The following UBR3 variants were observed in gnomAD, a reference collection of about 807,000 sequenced individuals.
UBR3 encodes E3 ubiquitin-protein ligase UBR3.
UBR3 carries 85 observed loss-of-function variants against 243.2 expected under a neutral mutation model. The ratio of observed to expected loss-of-function variants is 0.35; its 90% CI spans 0.29 to 0.42. The LOEUF (loss-of-function observed/expected upper bound fraction) is 0.42. Among genes scored for constraint, UBR3 ranks in the 10% least tolerant of loss-of-function variants. The probability of loss-of-function intolerance (pLI) is 1.00; values close to 1 mark genes in which losing one functional copy is unlikely to be tolerated. For synonymous variants in UBR3, 748 were observed against 799.8 expected, an observed-to-expected ratio of 0.94 and a Z score of 1.09; for missense variants, 1,686 against 2,300.8, an observed-to-expected ratio of 0.73 and a Z score of 5.47.
chr2:169,929,432 C>T (rs561460076), intron 18 of UBR3, among the ~76,000 whole-genome samples: 2 of 152,042 alleles, frequency 1.3e-5, no homozygotes, highest in African/African-American at 4.8e-5. Context: ...AAAAATTAGT[C>T]AGGCATGGTG....
intron 5 of UBR3, among the ~76,000 whole-genome samples, chr2:169,890,913 G>A (rs1196932844): frequency 1.3e-5 from 2 of 150,072 alleles, no homozygotes; most frequent in Admixed American, 6.7e-5. Context: ...GCATTTTGGG[G>A]TACTTAAGAG....
intron 22 of UBR3, 84 bp from the exon 23 acceptor site, chr2:169,949,521 T>C (rs1003471912): frequency 1.6e-6 from 2 of 1,235,770 alleles, no homozygotes; most frequent in African/African-American, 3.1e-5. Flanking sequence ...GCATTCCCTT[T>C]AGAAAATATA....
At position 169,949,949 on chromosome 2, in the gene UBR3, A is replaced by C. The variant is rs367668214; in HGVS notation, c.3429A>C (p.Ala1143=). 2 of 1,613,868 alleles carry C rather than the reference A, an allele frequency of 1.2e-6. No homozygotes were observed. The highest frequency in any genetic ancestry group is 4.5e-5 in the East Asian group (2 of 44,864). ...TAVERILLKA[A]SQSRMNKRII... ...TGGAAAGAATTTTACTAAAAGCTGC[A>C]TCGCAAAGTAGAATGAACAAACGCA... is the stretch of plus-strand genomic sequence containing the variant. Residue 1143 remains alanine (A), a synonymous_variant, in exon 23 of 39, where the codon GCA becomes GCC. Transcript: ENST00000272793.
intron 35 of UBR3, among the ~76,000 whole-genome samples, chr2:170,072,484 A>G (rs904605862): frequency 6.6e-6 from 1 of 152,104 alleles, no homozygotes; most frequent in African/African-American, 2.4e-5. Context: ...ATGACGAGTT[A>G]ATGGGTACAG....
intron 35 of UBR3, among the ~76,000 whole-genome samples, chr2:170,069,395 C>T (rs1253423168): frequency 6.6e-6 from 1 of 151,832 alleles, no homozygotes; most frequent in Non-Finnish European, 1.5e-5. Context: ...TATATGATGA[C>T]CACAATCAGG....
intron 27 of UBR3, 60 bp downstream of exon 27, chr2:170,001,474 T>G (rs2089692799): frequency 6.0e-6 from 6 of 1,001,028 alleles, no homozygotes; most frequent in Non-Finnish European, 9.4e-6. Flanking sequence ...TTAAATCTTT[T>G]TATAGTATAT....
At chr2:169,856,238 C>G (rs538725807) in intron 1 of UBR3, among the ~76,000 whole-genome samples, 1 of 146,770 alleles carries the variant, frequency 6.8e-6, no homozygotes, top group Admixed American at 6.8e-5. Flanking sequence ...CCAGATGGGG[C>G]GGCGGGGCAG....
intron 30 of UBR3, among the ~76,000 whole-genome samples, chr2:170,028,600 A>G (rs970319832): frequency 6.7e-6 from 1 of 150,156 alleles, no homozygotes; most frequent in African/African-American, 2.5e-5. Context: ...TAATAATTAA[A>G]TTATTATTCT....
At chr2:170,054,192 A>G (rs2091282968) in intron 32 of UBR3, among the ~76,000 whole-genome samples, 1 of 151,626 alleles carries the variant, frequency 6.6e-6, no homozygotes, top group Non-Finnish European at 1.5e-5. Context: ...AAGTGGAGTG[A>G]TCTTGGATTA....
At chr2:169,895,771 T>C (rs1378578886) in intron 7 of UBR3, among the ~76,000 whole-genome samples, 1 of 152,186 alleles carries the variant, frequency 6.6e-6, no homozygotes, top group Non-Finnish European at 1.5e-5. Flanking sequence ...TTGACTCATA[T>C]ACAAATGTTG....
chr2:169,983,094 AG>A, intron 24 of UBR3, among the ~76,000 whole-genome samples: 1 of 152,004 alleles, frequency 6.6e-6, no homozygotes, highest in South Asian at 2.1e-4. Flanking sequence ...AGTGAGAGCG[AG>A]AGAGAGAAAC....
In UBR3 at chr2:169,947,725, A is replaced by C. The variant is rs1001226860; in HGVS notation, c.3084+10A>C. On this transcript the variant is annotated intron_variant, in intron 22 of 38. Coordinates refer to ENST00000272793, the MANE Select transcript of UBR3 (RefSeq NM_172070.4). The stretch of plus-strand genomic sequence containing the variant: ...CTTGGGTTCTTTACAAGTAAGTGTA[A>C]ATGTAAGAAAGAAAATAAGAAAAAG... 2.1e-6 allele frequency: 3 copies of C among 1,450,660 alleles called. No homozygotes were observed. The African/African-American group carries it at 4.4e-5, about 21-fold the overall frequency. 89.9% of individuals were successfully genotyped at this position (1,450,660 alleles called of 1,614,324 possible). A position where few individuals can be genotyped will look rare whatever the true frequency, so the allele number is the denominator to read the frequency against.
chr2:169,998,843 TCAGA>T (rs1350794758), intron 26 of UBR3, among the ~76,000 whole-genome samples: 1 of 151,948 alleles, frequency 6.6e-6, no homozygotes, highest in Admixed American at 6.6e-5. Flanking sequence ...AGCTGTGGAG[TCAGA>T]CAGACTTGGG....
At chr2:169,843,035 A>G (rs1416746728) in intron 1 of UBR3, among the ~76,000 whole-genome samples, 3 of 152,154 alleles carry the variant, frequency 2.0e-5, no homozygotes, top group East Asian at 1.9e-4. Context: ...ACTATCCTTA[A>G]TGCTTCTTTT....
At chr2:169,986,371 A>G (rs77962643) in intron 24 of UBR3, among the ~76,000 whole-genome samples, 3,293 of 152,278 alleles carry the variant, frequency 0.022, 51 homozygotes, top group Non-Finnish European at 0.031. Flanking sequence ...CTTTGCCTCT[A>G]TGTTTTCTGT....
intron 24 of UBR3, among the ~76,000 whole-genome samples, chr2:169,969,560 T>TG (rs1463406083): frequency 6.6e-6 from 1 of 151,390 alleles, no homozygotes. Flanking sequence ...TTTTTTTTTT[T>TG]TTTTGTTAGA....
chr2:170,013,125 C>T (rs530986795), intron 29 of UBR3, among the ~76,000 whole-genome samples: 1 of 152,090 alleles, frequency 6.6e-6, no homozygotes, highest in African/African-American at 2.4e-5. Flanking sequence ...ACTTCCACTC[C>T]CAGCATATCT....
intron 30 of UBR3, among the ~76,000 whole-genome samples, chr2:170,028,759 A>G (rs974060697): frequency 1.3e-5 from 2 of 151,370 alleles, no homozygotes; most frequent in Admixed American, 1.3e-4. Flanking sequence ...AATTTTGTTG[A>G]AAGCCAAGAT....
At chr2:169,952,840 T>C (rs73017612) in intron 23 of UBR3, among the ~76,000 whole-genome samples, 6,585 of 152,240 alleles carry the variant, frequency 0.043, 158 homozygotes, top group Middle Eastern at 0.061. Context: ...CAGTAACATA[T>C]AATTCAGATG....
Sources: gnomAD v4.1 joint callset for allele counts (sites outside exome capture counted in the v4.1 genomes callset) on GRCh38, gnomAD v4.1.1 for gene constraint, MANE v1.5 for transcripts, NCBI Gene and HGNC (gene_info 2026-07-23, HGNC 2026-07-21) for gene names.